The following GDPD5 variants were observed in gnomAD, a reference collection of about 807,000 sequenced individuals.
The protein encoded by GDPD5 is glycerophosphodiester phosphodiesterase 2.
A neutral mutation model predicts 75.1 loss-of-function variants in GDPD5; 48 were observed. The ratio of observed to expected loss-of-function variants is 0.64; its 90% CI spans 0.51 to 0.81. The LOEUF (loss-of-function observed/expected upper bound fraction) is 0.81. Among genes scored for constraint, GDPD5 ranks in the 40% least tolerant of loss-of-function variants. The pLI is 0.00. For synonymous variants in GDPD5, 336 were observed against 339.0 expected, an observed-to-expected ratio of 0.99 and a Z score of 0.10; for missense variants, 706 against 822.6, an observed-to-expected ratio of 0.86 and a Z score of 1.73.
Position 75,435,555 on chromosome 11 carries a change from TCGGGGGCCCACAGGG to T in GDPD5, c.1755_1769del (p.Pro586_Arg590del). The T allele has an allele frequency of 6.2e-7, 1 of 1,612,678 alleles. No individual in the cohort carries two copies. Among genetic ancestry groups the T allele is most frequent in the African/African-American group, 1.3e-5 (1 of 75,014 alleles). On this transcript the variant is annotated inframe_deletion, in exon 17 of 17. Transcript: ENST00000336898. The stretch of plus-strand genomic sequence containing the variant: ...GGGTCTTGGTGTGGCTGCCACCCCC[TCGGGGGCCCACAGGG>T]GTGGCGGTGCTGTTGGCATATGTGT...
intron 10 of GDPD5, 98 bp from the exon 11 acceptor site, chr11:75,443,384 G>A: frequency 7.1e-7 from 1 of 1,406,756 alleles, no homozygotes; most frequent in Non-Finnish European, 9.6e-7. Context: ...ACCCAGCACA[G>A]GATCCCGGCT....
intron 14 of GDPD5, among the ~76,000 whole-genome samples, chr11:75,440,837 C>T (rs866488203): frequency 1.3e-5 from 2 of 152,202 alleles, no homozygotes; most frequent in East Asian, 1.9e-4. Context: ...GGATTATAGG[C>T]GTGAGCCCCA....
intron 1 of GDPD5, among the ~76,000 whole-genome samples, chr11:75,500,151 A>G (rs1894211): frequency 0.054 from 8,219 of 152,066 alleles, 543 homozygotes; most frequent in African/African-American, 0.15. Context: ...GCGGGTGTCT[A>G]CAGATGACCA....
At chr11:75,509,678 CCATTTT>C in intron 1 of GDPD5, among the ~76,000 whole-genome samples, 1 of 152,118 alleles carries the variant, frequency 6.6e-6, no homozygotes, top group Non-Finnish European at 1.5e-5. Context: ...AGTCACTTGC[CCATTTT>C]CTTTTTCTTT....
intron 9 of GDPD5, among the ~76,000 whole-genome samples, chr11:75,447,156 TA>T (rs2135199611): frequency 6.6e-6 from 1 of 152,278 alleles, no homozygotes; most frequent in African/African-American, 2.4e-5. Context: ...GTGCTGGGAT[TA>T]CAAGCATGAG....
At chr11:75,497,307 G>A (rs564861564) in intron 1 of GDPD5, among the ~76,000 whole-genome samples, 2 of 152,236 alleles carry the variant, frequency 1.3e-5, no homozygotes, top group Admixed American at 6.5e-5. Flanking sequence ...GAACAAAGGT[G>A]GCAGGACGCG....
intron 3 of GDPD5, among the ~76,000 whole-genome samples, chr11:75,463,787 A>G (rs766215201): frequency 1.4e-3 from 210 of 152,300 alleles, no homozygotes; most frequent in Non-Finnish European, 2.7e-3. Flanking sequence ...ATAGCCAAGC[A>G]GGAGTGTGGC....
chr11:75,477,409 G>A (rs1368228527), intron 3 of GDPD5, among the ~76,000 whole-genome samples: 8 of 152,248 alleles, frequency 5.3e-5, no homozygotes, highest in Non-Finnish European at 8.8e-5. Context: ...TTAACAACTT[G>A]TCAACAGGAC....
intron 3 of GDPD5, among the ~76,000 whole-genome samples, chr11:75,473,094 G>C (rs1949704298): frequency 6.6e-6 from 1 of 152,052 alleles, no homozygotes; most frequent in South Asian, 2.1e-4. Flanking sequence ...GAGAAGCTCA[G>C]GGTGGCTGGC....
chr11:75,471,248 T>C (rs2135339551), intron 3 of GDPD5, among the ~76,000 whole-genome samples: 1 of 152,260 alleles, frequency 6.6e-6, no homozygotes, highest in African/African-American at 2.4e-5. Context: ...ATGGCAGGAT[T>C]ACCCTGGCCC....
chr11:75,480,074 T>C (rs1199175477), intron 2 of GDPD5, among the ~76,000 whole-genome samples: 4 of 152,106 alleles, frequency 2.6e-5, no homozygotes, highest in Admixed American at 6.6e-5. Flanking sequence ...TGGGATAGAA[T>C]TGCTGGTCAC....
At position 75,489,423 on chromosome 11, in the gene GDPD5, C is replaced by A. The variant is rs964723324; in HGVS notation, c.-61+814G>T. On this transcript the variant is annotated intron_variant, in intron 2 of 16. Coordinates refer to ENST00000336898, the MANE Select transcript of GDPD5 (RefSeq NM_030792.8). ...ACTTTTCCTCCCTTCCTTCAAATGT[C>A]GAGGTTTCACCTTGGTGACCAATGA... Among the ~76,000 whole-genome samples the A allele has an allele frequency of 1.4e-4, 21 of 152,320 alleles. 3 individuals carry two copies. The highest frequency in any genetic ancestry group is 1.2e-3 in the Admixed American group (18 of 15,298).
intron 4 of GDPD5, among the ~76,000 whole-genome samples, chr11:75,460,770 G>A (rs935138006): frequency 6.6e-6 from 1 of 151,980 alleles, no homozygotes; most frequent in Non-Finnish European, 1.5e-5. Context: ...AGACTATCAG[G>A]ACTGGGCCGG....
intron 8 of GDPD5, 105 bp from the exon 9 acceptor site, chr11:75,449,227 G>C: frequency 7.3e-7 from 1 of 1,363,280 alleles, no homozygotes; most frequent in East Asian, 2.5e-5. Context: ...GTGCTCTAGG[G>C]GGAAGCCCTT....
At chr11:75,450,481 C>T (rs1490260046) in intron 6 of GDPD5, 1 of 160,912 alleles carries the variant, frequency 6.2e-6, no homozygotes, top group African/African-American at 2.4e-5. Context: ...GCCTGGCACC[C>T]TGGGCTGGGC....
chr11:75,515,273 G>A (rs1481904659), intron 1 of GDPD5, among the ~76,000 whole-genome samples: 1 of 152,226 alleles, frequency 6.6e-6, no homozygotes. Flanking sequence ...ACACCCCGTG[G>A]GGGCCTCCCA....
At chr11:75,507,580 C>G (rs576336187) in intron 1 of GDPD5, among the ~76,000 whole-genome samples, 5 of 152,374 alleles carry the variant, frequency 3.3e-5, no homozygotes, top group African/African-American at 1.2e-4. Flanking sequence ...GTTCTTAAGG[C>G]AGGGCTGTCT....
intron 1 of GDPD5, among the ~76,000 whole-genome samples, chr11:75,492,787 C>G (rs1258206240): frequency 2.6e-5 from 4 of 152,162 alleles, no homozygotes; most frequent in Admixed American, 1.3e-4. Flanking sequence ...GGTTATAATG[C>G]AGTGGTGTAA....
At chr11:75,470,637 C>T (rs1949641097) in intron 3 of GDPD5, among the ~76,000 whole-genome samples, 1 of 152,090 alleles carries the variant, frequency 6.6e-6, no homozygotes, top group East Asian at 1.9e-4. Flanking sequence ...TTACATCTTT[C>T]CAAGTTGTTT....
Sources: gnomAD v4.1 joint callset for allele counts (sites outside exome capture counted in the v4.1 genomes callset) on GRCh38, gnomAD v4.1.1 for gene constraint, MANE v1.5 for transcripts, NCBI Gene and HGNC (gene_info 2026-07-23, HGNC 2026-07-21) for gene names.